EME2: variants seen among roughly 807,000 people sequenced by gnomAD.
The protein encoded by EME2 is structure-specific endonuclease subunit EME2.
In EME2, 58 loss-of-function variants were observed where a neutral mutation model predicts 41.9. That is an observed-to-expected ratio of 1.38 (90% CI 1.12 to 1.72). The LOEUF (loss-of-function observed/expected upper bound fraction) is 1.72. EME2 is among the 40% of genes most tolerant of loss of function. The pLI is 0.00. For missense variants in EME2, 695 were observed against 541.9 expected (o/e 1.28, Z -2.81); for synonymous variants, 334 against 239.3 (o/e 1.40, Z -3.65).
At position 1,778,612 on chromosome 16, in the gene EME2, G is replaced by A; in HGVS notation, c.*2374G>A. ...TCGGGGTCGGAGTCCGAGTCGCTGTGCTGGGAGAGAAGGGCCGGCTGTTAC... is the reference window on the plus strand; with the variant it reads ...TCGGGGTCGGAGTCCGAGTCGCTGTACTGGGAGAGAAGGGCCGGCTGTTAC... On this transcript the variant is annotated 3_prime_UTR_variant, in exon 8 of 8. Transcript: ENST00000568449. 6.5e-7 allele frequency: 1 copy of A among 1,546,644 alleles called. No homozygotes were observed. Among genetic ancestry groups the A allele is most frequent in the Non-Finnish European group, 8.7e-7 (1 of 1,144,602 alleles).
chr16:1,773,980 G>T, intron 2 of EME2, 139 bp downstream of exon 2: 2 of 1,189,526 alleles, frequency 1.7e-6, no homozygotes, highest in Admixed American at 5.6e-5. Context: ...ATGGAGAACG[G>T]GAAGTGGAGG....
Position 1,777,935 on chromosome 16 carries a change from G to A in EME2, c.*1697G>A. The A allele has an allele frequency of 6.2e-7, 1 of 1,612,458 alleles. No individual in the cohort carries two copies. The highest frequency in any genetic ancestry group is 1.3e-5 in the African/African-American group (1 of 75,042). On this transcript the variant is annotated 3_prime_UTR_variant, in exon 8 of 8. Coordinates refer to ENST00000568449, the MANE Select transcript of EME2 (RefSeq NM_001257370.2). ...CAGGCTCGGCCCCGCCCCACCCTGGGCCTCACGCACCCGTGTAGGAGAGGC... is the reference window on the plus strand; with the variant it reads ...CAGGCTCGGCCCCGCCCCACCCTGGACCTCACGCACCCGTGTAGGAGAGGC...
chr16:1,772,989 G>C lies in EME2; in HGVS notation c.-239G>C. 6.9e-7 allele frequency: 1 copy of C among 1,452,824 alleles called. No individual in the cohort carries two copies. Among genetic ancestry groups the C allele is most frequent in the Non-Finnish European group, 9.1e-7 (1 of 1,104,078 alleles). The allele number at this position is 1,452,824 out of a possible 1,614,324, so 90.0% of individuals were successfully genotyped here. A position where few individuals can be genotyped will look rare whatever the true frequency, so the allele number is the denominator to read the frequency against. ...GACCGGCAGCCGGCGTCCAGAGAAC[G>C]GCCGCGTCAAGGTCTCGTAGTCCAC... is the stretch of plus-strand genomic sequence containing the variant. On this transcript the variant is annotated 5_prime_UTR_variant, in exon 1 of 8. Transcript: ENST00000568449.
In EME2 at chr16:1,781,201, G is replaced by T; in HGVS notation, c.*4963G>T. ...AAATTAAAGAGTCTTACTGAATGCGGTGCATCCAGGAGACAGGCCCAGGTT... is the reference window on the plus strand; with the variant it reads ...AAATTAAAGAGTCTTACTGAATGCGTTGCATCCAGGAGACAGGCCCAGGTT... On this transcript the variant is annotated 3_prime_UTR_variant, in exon 8 of 8. Coordinates refer to ENST00000568449, the MANE Select transcript of EME2 (RefSeq NM_001257370.2). 6.4e-7 allele frequency: 1 copy of T among 1,557,696 alleles called. No homozygotes were observed. Among genetic ancestry groups the T allele is most frequent in the Non-Finnish European group, 8.6e-7 (1 of 1,158,528 alleles).
chr16:1,775,707 G>C, intron 6 of EME2, 23 bp downstream of exon 6: 3 of 1,612,808 alleles, frequency 1.9e-6, no homozygotes, highest in Non-Finnish European at 2.5e-6. Flanking sequence ...AAGGCTGAAG[G>C]GGGGCAGGAT....
Position 1,773,139 on chromosome 16 carries a change from C to A in EME2, c.-89C>A. On this transcript the variant is annotated 5_prime_UTR_variant, in exon 1 of 8. Transcript: ENST00000568449. ...CGCCATGGCGGGTCCGCGTCCTCAGCGGTCCGGCCGGAAGTCACCGGAAGA... is the reference window on the plus strand; with the variant it reads ...CGCCATGGCGGGTCCGCGTCCTCAGAGGTCCGGCCGGAAGTCACCGGAAGA... The A allele has an allele frequency of 7.2e-7, 1 of 1,389,684 alleles. No homozygotes were observed. Among genetic ancestry groups the A allele is most frequent in the South Asian group, 1.6e-5 (1 of 61,836 alleles). 86.1% of individuals were successfully genotyped at this position (1,389,684 alleles called of 1,614,324 possible).
Position 1,776,421 on chromosome 16 carries a change from G to A in EME2, c.*183G>A. ...GAAGTTTTAGGTAGCTGGGAGAAGA[G>A]GGGCTTCTGGCTGGCAGATGGCTGG... On this transcript the variant is annotated 3_prime_UTR_variant, in exon 8 of 8. Coordinates refer to ENST00000568449, the MANE Select transcript of EME2 (RefSeq NM_001257370.2). 4 of 584,404 alleles carry A rather than the reference G, an allele frequency of 6.8e-6. No individual in the cohort carries two copies. Among genetic ancestry groups the A allele is most frequent in the East Asian group, 5.9e-5 (2 of 33,754 alleles). The allele number at this position is 584,404 out of a possible 1,614,324, so 36.2% of individuals were successfully genotyped here. A position where few individuals can be genotyped will look rare whatever the true frequency, so the allele number is the denominator to read the frequency against.
chr16:1,773,928 C>T (rs2042670744), intron 2 of EME2, 87 bp downstream of exon 2: 1 of 1,413,428 alleles, frequency 7.1e-7, no homozygotes, highest in Admixed American at 2.7e-5. Flanking sequence ...CCTGAGGCAG[C>T]TGCCCTGGGC....
chr16:1,778,484 C>T lies in EME2; in HGVS notation c.*2246C>T, dbSNP rs2042747875. ...AGTCCCTGCCCCGGTGGGCCGAGTGCAGGCTGCTACAGAAGGAGGCCTCGC... is the reference window on the plus strand; with the variant it reads ...AGTCCCTGCCCCGGTGGGCCGAGTGTAGGCTGCTACAGAAGGAGGCCTCGC... On this transcript the variant is annotated 3_prime_UTR_variant, in exon 8 of 8. Coordinates refer to ENST00000568449, the MANE Select transcript of EME2 (RefSeq NM_001257370.2). The T allele has an allele frequency of 6.2e-7, 1 of 1,611,838 alleles. No individual in the cohort carries two copies. Among genetic ancestry groups the T allele is most frequent in the Non-Finnish European group, 8.5e-7 (1 of 1,179,510 alleles).
In EME2 at chr16:1,777,121, C is replaced by G. The variant is rs560452511; in HGVS notation, c.*883C>G. On this transcript the variant is annotated 3_prime_UTR_variant, in exon 8 of 8. Coordinates refer to ENST00000568449, the MANE Select transcript of EME2 (RefSeq NM_001257370.2). ...GTCAGGTCCGGCGGCAGCGCTTCCT[C>G]TGGCAGGGCCGAGGCTCGCGACTGC... 2 of 1,611,622 alleles carry G rather than the reference C, an allele frequency of 1.2e-6. No individual in the cohort carries two copies. The highest frequency in any genetic ancestry group is 2.2e-5 in the East Asian group (1 of 44,872).
Position 1,776,006 on chromosome 16 carries a change from A to G in EME2, c.969+20A>G, listed in dbSNP as rs571694867. The stretch of plus-strand genomic sequence containing the variant: ...CAGCAGGTGGGCCCCTGCCTCCTCC[A>G]AGCCCTCCAGGTGCAGAAGCCCCGT... On this transcript the variant is annotated intron_variant, in intron 7 of 7. Coordinates refer to ENST00000568449, the MANE Select transcript of EME2 (RefSeq NM_001257370.2). 1.6e-5 allele frequency: 26 copies of G among 1,607,078 alleles called. No homozygotes were observed. The highest frequency in any genetic ancestry group is 1.7e-4 in the Middle Eastern group (1 of 6,018).
chr16:1,778,088 G>T lies in EME2; in HGVS notation c.*1850G>T. ...CAGGCAGAGGGCGCGGGGCTGGGCT[G>T]CCGGAGCCAGGTTCCCCAGAAGCAC... On this transcript the variant is annotated 3_prime_UTR_variant, in exon 8 of 8. Coordinates refer to ENST00000568449, the MANE Select transcript of EME2 (RefSeq NM_001257370.2). 6.2e-7 allele frequency: 1 copy of T among 1,612,940 alleles called. No individual in the cohort carries two copies.
In EME2 at chr16:1,773,094, C is replaced by A; in HGVS notation, c.-134C>A. The A allele has an allele frequency of 7.1e-7, 1 of 1,404,388 alleles. No individual in the cohort carries two copies. The allele number at this position is 1,404,388 out of a possible 1,614,324, so 87.0% of individuals were successfully genotyped here. ...GCGGCGGGCCAGCTCCGCGATCAGC[C>A]GCGGACGCACCTTCTTCCGCGCCAT... On this transcript the variant is annotated 5_prime_UTR_variant, in exon 1 of 8. Coordinates refer to ENST00000568449, the MANE Select transcript of EME2 (RefSeq NM_001257370.2).
rs750260632 is a variant in EME2, at chr16:1,775,359, C to T, written c.614C>T (p.Pro205Leu). 78 of 1,611,544 alleles carry T rather than the reference C, an allele frequency of 4.8e-5. No homozygotes were observed. Among genetic ancestry groups the T allele is most frequent in the Non-Finnish European group, 6.5e-5 (77 of 1,180,000 alleles). The change falls in exon 5 of 8, where the codon CCG becomes CTG. Residue 205 changes from proline (P) to leucine (L), a missense_variant. By Grantham distance (98) the Pro-to-Leu change is moderately conservative (BLOSUM62 -3). Transcript: ENST00000568449. ...CGGGGGACACAGCAGCCAGAGAGCC[C>T]GAAGGTGGCCGGTGCCGAGGTGGCC... ...VSRGTQQPES[P>L]KVAGAEVAVS...
In EME2 at chr16:1,777,468, AC is replaced by A. The variant is rs757656074; in HGVS notation, c.*1234del. 2.2e-5 allele frequency: 33 copies of A among 1,470,412 alleles called. No homozygotes were observed. In the East Asian group the frequency reaches 8.2e-4, roughly 36 times the overall value. 91.1% of individuals were successfully genotyped at this position (1,470,412 alleles called of 1,614,324 possible). ...CCTGGAAGGGAGGGGCCCAGCCTGAACCCCAGGCAGGGAAGGGGCCAGCTAC... is the reference window on the plus strand; with the variant it reads ...CCTGGAAGGGAGGGGCCCAGCCTGAACCCAGGCAGGGAAGGGGCCAGCTAC... On this transcript the variant is annotated 3_prime_UTR_variant, in exon 8 of 8. Coordinates refer to ENST00000568449, the MANE Select transcript of EME2 (RefSeq NM_001257370.2).
At position 1,778,120 on chromosome 16, in the gene EME2, C is replaced by T; in HGVS notation, c.*1882C>T. The stretch of plus-strand genomic sequence containing the variant: ...CCAGGTTCCCCAGAAGCACCCTGGG[C>T]CGAAGCAACTTACCATGTCGGTGCC... On this transcript the variant is annotated 3_prime_UTR_variant, in exon 8 of 8. Transcript: ENST00000568449. 3 of 1,612,744 alleles carry T rather than the reference C, an allele frequency of 1.9e-6. No homozygotes were observed. The highest frequency in any genetic ancestry group is 2.5e-6 in the Non-Finnish European group (3 of 1,179,750).
rs201967594 is a variant in EME2 at position 1,775,997 on chromosome 16, G to C, written c.969+11G>C. On this transcript the variant is annotated intron_variant, in intron 7 of 7. Transcript: ENST00000568449. ...CGCCTTCTGCAGCAGGTGGGCCCCT[G>C]CCTCCTCCAAGCCCTCCAGGTGCAG... The C allele has an allele frequency of 4.9e-4, 788 of 1,607,508 alleles. 2 individuals are homozygous for C. In the African/African-American group the frequency reaches 9.5e-3, roughly 19 times the overall value.
chr16:1,777,636 C>A lies in EME2; in HGVS notation c.*1398C>A. The A allele has an allele frequency of 1.3e-6, 2 of 1,529,830 alleles. No homozygotes were observed. Among genetic ancestry groups the A allele is most frequent in the South Asian group, 1.2e-5 (1 of 81,022 alleles). 94.8% of individuals were successfully genotyped at this position (1,529,830 alleles called of 1,614,324 possible). A position where few individuals can be genotyped will look rare whatever the true frequency, so the allele number is the denominator to read the frequency against. On this transcript the variant is annotated 3_prime_UTR_variant, in exon 8 of 8. Transcript: ENST00000568449. The stretch of plus-strand genomic sequence containing the variant: ...CCCCCTGGGACCCTGGGGCCTCAGG[C>A]TTCTGGGAGGAACCCTTTCAGAAAA...
rs2042643737 is a variant in EME2, at chr16:1,772,874, G to C, written c.-354G>C. 2.1e-6 allele frequency: 3 copies of C among 1,453,114 alleles called. No homozygotes were observed. Among genetic ancestry groups the C allele is most frequent in the African/African-American group, 1.4e-5 (1 of 69,580 alleles). The allele number at this position is 1,453,114 out of a possible 1,614,324, so 90.0% of individuals were successfully genotyped here. On this transcript the variant is annotated 5_prime_UTR_variant, in exon 1 of 8. Transcript: ENST00000568449. ...CGTCGTGCTGCCACAGCCAGGACTTGCGCGTGACCAGGCGGCCCAGGCCGA... is the reference window on the plus strand; with the variant it reads ...CGTCGTGCTGCCACAGCCAGGACTTCCGCGTGACCAGGCGGCCCAGGCCGA...
Sources: gnomAD v4.1 joint callset for allele counts on GRCh38, gnomAD v4.1.1 for gene constraint, MANE v1.5 for transcripts, NCBI Gene and HGNC (gene_info 2026-07-23, HGNC 2026-07-21) for gene names.